The following LMO7 variants were observed in gnomAD, a reference collection of about 807,000 sequenced individuals.
LMO7 encodes the protein LIM domain only protein 7.
In LMO7, 120 loss-of-function variants were observed where a neutral mutation model predicts 206.5. That is an observed-to-expected ratio of 0.58 (90% CI 0.50 to 0.68). The LOEUF is 0.68. Ranked by LOEUF, LMO7 falls within the 30% of genes least tolerant of loss-of-function variation. The probability of loss-of-function intolerance (pLI) is 0.00; values close to 1 mark genes in which losing one functional copy is unlikely to be tolerated. For missense variants in LMO7, 1,959 were observed against 1,957.9 expected, an observed-to-expected ratio of 1.00 and a Z score of -0.01; for synonymous variants, 706 against 681.5, an observed-to-expected ratio of 1.04 and a Z score of -0.56.
chr13:75,636,644 C>T lies in LMO7; in HGVS notation c.-14C>T. On this transcript the variant is annotated 5_prime_UTR_variant, in exon 1 of 31. Transcript: ENST00000377534. The stretch of plus-strand genomic sequence containing the variant: ...ACGCATCCCGAGTCTCTCTCTCCCT[C>T]CCTTGTCCTAGCCATGGAAGGGCTG... 1 of 1,588,110 alleles carries T rather than the reference C, an allele frequency of 6.3e-7. No homozygotes were observed. The highest frequency in any genetic ancestry group is 1.3e-5 in the African/African-American group (1 of 74,686).
chr13:75,808,252 C>T, intron 10 of LMO7, 53 bp downstream of exon 10: 1 of 1,512,838 alleles, frequency 6.6e-7, no homozygotes, highest in Non-Finnish European at 8.8e-7. Flanking sequence ...TCTTGTGTAA[C>T]TTTTCTCATG....
chr13:75,829,095 A>G (rs1566563468), intron 15 of LMO7, among the ~76,000 whole-genome samples: 1 of 152,170 alleles, frequency 6.6e-6, no homozygotes, highest in East Asian at 1.9e-4. Context: ...TAGGCATCGG[A>G]GACATGGCAA....
At chr13:75,627,286 G>C (rs1267272624) in intron 2 of LMO7, 1 of 152,096 alleles carries the variant, frequency 6.6e-6, no homozygotes, top group African/African-American at 2.4e-5. Context: ...TTATAAAATA[G>C]GCTTTGCATT....
chr13:75,712,043 C>G (rs1363370929), intron 1 of LMO7, among the ~76,000 whole-genome samples: 1 of 152,140 alleles, frequency 6.6e-6, no homozygotes, highest in Non-Finnish European at 1.5e-5. Context: ...TGTCAGTTAA[C>G]AGATATCATG....
chr13:75,696,116 G>A (rs1458060152), intron 1 of LMO7, among the ~76,000 whole-genome samples: 1 of 152,194 alleles, frequency 6.6e-6, no homozygotes, highest in South Asian at 2.1e-4. Flanking sequence ...CAGCACTTTG[G>A]GAGGTCAAGG....
Position 75,759,099 on chromosome 13 carries a change from G to C in LMO7, c.211-1833G>C, listed in dbSNP as rs563316644. On this transcript the variant is annotated intron_variant, in intron 3 of 30. Coordinates refer to ENST00000377534, the MANE Select transcript of LMO7 (RefSeq NM_001306080.2). ...TGGTGACAGGTGAGAGAGAGCGAAGGGGGAAGAGCTCCTTATAAAACCACC... is the reference window on the plus strand; with the variant it reads ...TGGTGACAGGTGAGAGAGAGCGAAGCGGGAAGAGCTCCTTATAAAACCACC... Among the ~76,000 whole-genome samples the C allele has an allele frequency of 7.9e-5, 12 of 152,250 alleles. No homozygotes were observed. The East Asian group carries it at 1.3e-3, about 17-fold the overall frequency.
chr13:75,805,828 A>G (rs2055378012), intron 9 of LMO7, 68 bp downstream of exon 9: 2 of 1,451,568 alleles, frequency 1.4e-6, no homozygotes, highest in East Asian at 2.3e-5. Context: ...TTCTATGTGC[A>G]TGTTTTTTAT....
chr13:75,811,208 CTTTTTTTTTTTTTT>C (rs764599899), intron 11 of LMO7, among the ~76,000 whole-genome samples: 1 of 130,704 alleles, frequency 7.7e-6, no homozygotes, highest in Admixed American at 7.9e-5. Context: ...TTTTCTTTCT[CTTTTTTTTTTTTTT>C]TTTTAAGAGA....
In LMO7 at chr13:75,795,805, T is replaced by A. The variant is rs537855455; in HGVS notation, c.348+374T>A. Among the ~76,000 whole-genome samples the A allele has an allele frequency of 3.9e-5, 6 of 152,022 alleles. No individual in the cohort carries two copies. In the East Asian group the frequency reaches 1.2e-3, roughly 29 times the overall value. On this transcript the variant is annotated intron_variant, in intron 5 of 30. Transcript: ENST00000377534. ...GACACAGGGAGGGGAACAACACACA[T>A]TGGGGCCTGTCAGGTGATGGAGGGA...
chr13:75,726,263 A>G (rs2044465940), intron 2 of LMO7, among the ~76,000 whole-genome samples: 1 of 152,058 alleles, frequency 6.6e-6, no homozygotes, highest in Non-Finnish European at 1.5e-5. Flanking sequence ...AAATCAAGAA[A>G]AAAGAATTCA....
In LMO7 at chr13:75,819,274, G is replaced by A; in HGVS notation, c.2065-119G>A. ...ATAAAAAGCAAAATTAGGGCACCTT[G>A]GCATCCAGTTGGAGTGAATAGTTTC... is the stretch of plus-strand genomic sequence containing the variant. On this transcript the variant is annotated intron_variant, in intron 12 of 30. Coordinates refer to ENST00000377534, the MANE Select transcript of LMO7 (RefSeq NM_001306080.2). 2.5e-6 allele frequency: 3 copies of A among 1,223,078 alleles called. No individual in the cohort carries two copies. In the Admixed American group the frequency reaches 8.3e-5, roughly 34 times the overall value. 75.8% of individuals were successfully genotyped at this position (1,223,078 alleles called of 1,614,324 possible). A position where few individuals can be genotyped will look rare whatever the true frequency, so the allele number is the denominator to read the frequency against.
chr13:75,678,466 G>A (rs749043936), intron 1 of LMO7, among the ~76,000 whole-genome samples: 69 of 152,058 alleles, frequency 4.5e-4, no homozygotes, highest in Admixed American at 1.2e-3. Flanking sequence ...CATATCCTTC[G>A]CCCTGTCCTA....
chr13:75,699,639 G>A (rs8000108), intron 1 of LMO7, among the ~76,000 whole-genome samples: 6,883 of 152,184 alleles, frequency 0.045, 275 homozygotes, highest in African/African-American at 0.098. Context: ...CGAATAGGGC[G>A]TGGGTCACAG....
intron 1 of LMO7, among the ~76,000 whole-genome samples, chr13:75,669,210 T>G (rs187053723): frequency 2.4e-4 from 36 of 152,324 alleles, no homozygotes; most frequent in African/African-American, 8.2e-4. Flanking sequence ...TTTCCAGGAT[T>G]ATGTTTCAGA....
chr13:75,842,943 A>C (rs756809194), intron 25 of LMO7, 27 bp downstream of exon 25: 2 of 1,313,644 alleles, frequency 1.5e-6, no homozygotes, highest in South Asian at 2.4e-5. Context: ...ATTGTAATTT[A>C]ATTGATGATA....
chr13:75,842,735 C>T (rs2059651659), intron 24 of LMO7, 116 bp from the exon 25 acceptor site: 1 of 656,594 alleles, frequency 1.5e-6, no homozygotes. Flanking sequence ...GTTTTTAACC[C>T]AAAGACCATT....
At position 75,821,455 on chromosome 13, in the gene LMO7, G is replaced by A. The variant is rs753624038; in HGVS notation, c.2486G>A (p.Arg829His). The A allele has an allele frequency of 6.7e-5, 108 of 1,613,988 alleles. No individual in the cohort carries two copies. Among genetic ancestry groups the A allele is most frequent in the East Asian group, 1.1e-4 (5 of 44,892 alleles). ...AGCCCAGCCTCTTTGTCTTCTCTGCGTTCACGGAGCACACAAATGGAATCA... is the reference window on the plus strand; with the variant it reads ...AGCCCAGCCTCTTTGTCTTCTCTGCATTCACGGAGCACACAAATGGAATCA... ...EQSPASLSSL[R>H]SRSTQMESTR... The change falls in exon 14 of 31, where the codon CGT becomes CAT. Residue 829 changes from arginine to histidine, a missense_variant. By Grantham distance (29) the Arg-to-His change is conservative. Coordinates refer to ENST00000377534, the MANE Select transcript of LMO7 (RefSeq NM_001306080.2).
Position 75,805,583 on chromosome 13 carries a change from G to A in LMO7, c.1019G>A (p.Ser340Asn), listed in dbSNP as rs1343263923. The stretch of plus-strand genomic sequence containing the variant: ...GAAGAGGAAAAAGCAAAGACAAGAA[G>A]CATACCCAACATTGTAAAGGATGAT... ...YLEEEKAKTRSIPNIVKDDLY... is the reference protein window; with the variant it reads ...YLEEEKAKTRNIPNIVKDDLY... The change falls in exon 9 of 31, where the codon AGC becomes AAC. Residue 340 changes from serine (S) to asparagine (N), a missense_variant. Physicochemically the swap from Ser to Asn is conservative, Grantham distance 46. Coordinates refer to ENST00000377534, the MANE Select transcript of LMO7 (RefSeq NM_001306080.2). 1.9e-6 allele frequency: 3 copies of A among 1,614,056 alleles called. No homozygotes were observed. The highest frequency in any genetic ancestry group is 1.6e-4 in the Middle Eastern group (1 of 6,062).
chr13:75,691,860 C>T (rs2041506861), intron 1 of LMO7, among the ~76,000 whole-genome samples: 1 of 152,116 alleles, frequency 6.6e-6, no homozygotes. Flanking sequence ...TCCTCCCCAC[C>T]CTAACCCTGC....
Sources: allele counts gnomAD v4.1 joint callset (sites outside exome capture counted in the v4.1 genomes callset), GRCh38; gene constraint gnomAD v4.1.1; transcripts MANE v1.5; gene names NCBI Gene and HGNC (gene_info 2026-07-23, HGNC 2026-07-21).